Variants in ZNF385D observed in about 807,000 individuals in gnomAD.
The protein encoded by ZNF385D is zinc finger protein 385D, also known as zinc finger protein 659.
Under a neutral mutation model 35.8 loss-of-function variants are expected in ZNF385D, and 15 were observed. The ratio of observed to expected loss-of-function variants is 0.42; its 90% confidence interval spans 0.28 to 0.64. ZNF385D has a LOEUF of 0.64. Ranked by LOEUF, ZNF385D falls within the 30% of genes least tolerant of loss-of-function variation. The probability of loss-of-function intolerance (pLI) is 0.23; values close to 1 mark genes in which losing one functional copy is unlikely to be tolerated. For synonymous variants in ZNF385D, 212 were observed against 186.8 expected, an observed-to-expected ratio of 1.13 and a Z score of -1.10; for missense variants, 474 against 494.6, an observed-to-expected ratio of 0.96 and a Z score of 0.39.
At chr3:21,840,352 A>G (rs918465711) in intron 3 of ZNF385D, among the ~76,000 whole-genome samples, 8 of 152,054 alleles carry the variant, frequency 5.3e-5, no homozygotes, top group African/African-American at 1.9e-4. Context: ...AAGTGGTATC[A>G]CTTTTACTTT....
At chr3:22,002,167 A>T (rs1695882225) in intron 3 of ZNF385D, among the ~76,000 whole-genome samples, 1 of 152,060 alleles carries the variant, frequency 6.6e-6, no homozygotes, top group African/African-American at 2.4e-5. Context: ...GTTGATTTTC[A>T]GAAAAGATAA....
intron 2 of ZNF385D, among the ~76,000 whole-genome samples, chr3:21,638,455 T>G (rs2065510608): frequency 6.6e-6 from 1 of 152,056 alleles, no homozygotes; most frequent in African/African-American, 2.4e-5. Context: ...TCCTCAGCTG[T>G]GATACAAACC....
chr3:21,898,834 C>T (rs1699265495), intron 3 of ZNF385D, among the ~76,000 whole-genome samples: 1 of 152,100 alleles, frequency 6.6e-6, no homozygotes, highest in Non-Finnish European at 1.5e-5. Context: ...TAAAGATAAT[C>T]TCTAAACCAA....
At chr3:22,325,779 A>T (rs912860020) in intron 2 of ZNF385D, among the ~76,000 whole-genome samples, 2 of 152,158 alleles carry the variant, frequency 1.3e-5, no homozygotes, top group African/African-American at 4.8e-5. Context: ...AAACAAAAAA[A>T]CAGAGCCATC....
intron 2 of ZNF385D, among the ~76,000 whole-genome samples, chr3:21,634,351 GAAAAGAAA>G (rs1340312992): frequency 6.9e-6 from 1 of 145,940 alleles, no homozygotes; most frequent in African/African-American, 2.5e-5. Context: ...AGGAAAGAAA[GAAAAGAAA>G]AAAAGAAAGG....
chr3:21,840,547 A>C (rs1309250475), intron 3 of ZNF385D, among the ~76,000 whole-genome samples: 1 of 142,420 alleles, frequency 7.0e-6, no homozygotes, highest in East Asian at 2.2e-4. Context: ...CTTTATGGGC[A>C]ACTGGGAATT....
At chr3:21,941,487 ACTC>A (rs1701513461) in intron 3 of ZNF385D, among the ~76,000 whole-genome samples, 1 of 101,914 alleles carries the variant, frequency 9.8e-6, no homozygotes, top group African/African-American at 3.9e-5. Context: ...TAATTCCATT[ACTC>A]TTTTTTTTTT....
chr3:22,148,452 C>G (rs959999175), intron 3 of ZNF385D, among the ~76,000 whole-genome samples: 64 of 152,106 alleles, frequency 4.2e-4, no homozygotes, highest in Non-Finnish European at 5.6e-4. Flanking sequence ...CATGGAAAAC[C>G]TGTGAAACTA....
intron 3 of ZNF385D, among the ~76,000 whole-genome samples, chr3:21,859,174 T>A (rs969146861): frequency 2.0e-5 from 3 of 151,956 alleles, no homozygotes; most frequent in South Asian, 4.1e-4. Flanking sequence ...AGGTAAGAGA[T>A]GAAAACCAAA....
At chr3:22,115,510 G>T (rs565854161) in intron 3 of ZNF385D, among the ~76,000 whole-genome samples, 1 of 151,984 alleles carries the variant, frequency 6.6e-6, no homozygotes, top group Non-Finnish European at 1.5e-5. Context: ...AAAGAAAATG[G>T]TCATTTTCAA....
At chr3:22,065,171 T>C (rs1699876192) in intron 3 of ZNF385D, among the ~76,000 whole-genome samples, 1 of 152,080 alleles carries the variant, frequency 6.6e-6, no homozygotes, top group South Asian at 2.1e-4. Flanking sequence ...AGTTAGTAAG[T>C]CTTAGACTCA....
At chr3:22,153,614 C>G (rs1178867576) in intron 3 of ZNF385D, among the ~76,000 whole-genome samples, 1 of 151,900 alleles carries the variant, frequency 6.6e-6, no homozygotes, top group Non-Finnish European at 1.5e-5. Flanking sequence ...AAGGCACCCA[C>G]CACTATACCC....
intron 1 of ZNF385D, among the ~76,000 whole-genome samples, chr3:21,683,719 A>G (rs1345375739): frequency 6.7e-6 from 1 of 150,206 alleles, no homozygotes; most frequent in African/African-American, 2.5e-5. Flanking sequence ...GAAGGATTCA[A>G]TGTGCCCTTA....
chr3:21,684,366 C>CGT (rs35180417), intron 1 of ZNF385D, among the ~76,000 whole-genome samples: 2,839 of 46,692 alleles, frequency 0.061, 198 homozygotes, highest in African/African-American at 0.17. Context: ...AACTGTTCTC[C>CGT]TCTCTCTCTC....
chr3:22,104,052 C>G (rs1702077892), intron 3 of ZNF385D, among the ~76,000 whole-genome samples: 1 of 151,960 alleles, frequency 6.6e-6, no homozygotes, highest in Non-Finnish European at 1.5e-5. Flanking sequence ...AATTTGCCAG[C>G]CTTGGGGAGT....
Position 21,715,136 on chromosome 3 carries a change from G to A in ZNF385D, c.22+35759C>T, listed in dbSNP as rs114357884. 7.6e-3 allele frequency among the ~76,000 whole-genome samples: 1,163 copies of A among 152,114 alleles called. 12 individuals carry two copies. The highest frequency in any genetic ancestry group is 0.026 in the African/African-American group (1,067 of 41,498). On this transcript the variant is annotated intron_variant, in intron 1 of 7. Transcript: ENST00000281523. ...TTATATACATTTATGGGGTACAAGC[G>A]CAATTTTGTTACATGCATCGTGGTC...
chr3:22,094,225 CA>C (rs1205647202), intron 3 of ZNF385D, among the ~76,000 whole-genome samples: 1 of 134,566 alleles, frequency 7.4e-6, no homozygotes, highest in African/African-American at 2.7e-5. Context: ...TGTCAAGTAG[CA>C]TTTTTTTTTC....
intron 3 of ZNF385D, among the ~76,000 whole-genome samples, chr3:21,520,243 T>C (rs958704057): frequency 4.6e-5 from 7 of 152,222 alleles, no homozygotes; most frequent in Non-Finnish European, 7.3e-5. Context: ...GTAGCACTTA[T>C]GTCACTGCCA....
At chr3:21,610,646 G>C (rs1256074990) in intron 2 of ZNF385D, among the ~76,000 whole-genome samples, 6 of 151,976 alleles carry the variant, frequency 3.9e-5, no homozygotes, top group Non-Finnish European at 8.8e-5. Context: ...ATGGTGGCGG[G>C]CGCCTGTGGT....
Sources: gnomAD v4.1 joint callset for allele counts (sites outside exome capture counted in the v4.1 genomes callset) on GRCh38, gnomAD v4.1.1 for gene constraint, MANE v1.5 for transcripts, NCBI Gene and HGNC (gene_info 2026-07-23, HGNC 2026-07-21) for gene names.